CFAP46: variants seen among roughly 807,000 people sequenced by gnomAD.
The protein encoded by CFAP46 is cilia and flagella associated protein 46.
Under a neutral mutation model 325.7 loss-of-function variants are expected in CFAP46, and 245 were observed. The ratio of observed to expected loss-of-function variants is 0.75; its 90% CI spans 0.68 to 0.84. The LOEUF is 0.84. CFAP46 is among the 40% of genes least tolerant of loss of function. The pLI, the probability that CFAP46 is intolerant of heterozygous loss-of-function variation, is 0.00. For missense variants in CFAP46, 3,346 were observed against 3,543.0 expected (o/e 0.94, Z 1.41); for synonymous variants, 1,523 against 1,495.9 (o/e 1.02, Z -0.42).
At chr10:132,809,409 C>T (rs1000999688) in intron 57 of CFAP46, among the ~76,000 whole-genome samples, 3 of 152,244 alleles carry the variant, frequency 2.0e-5, no homozygotes, top group South Asian at 2.1e-4. Flanking sequence ...CGGCGGCATC[C>T]GTGTCTGTGC....
At chr10:132,831,220 C>CTGTGTGTGTGTGTGTGTGTGTGTGTG (rs56965336) in intron 50 of CFAP46, among the ~76,000 whole-genome samples, 25 of 148,198 alleles carry the variant, frequency 1.7e-4, no homozygotes, top group Middle Eastern at 3.4e-3. Flanking sequence ...GTCAAATGTT[C>CTGTGTGTGTGTGTGTGTGTGTGTGTG]TGTGTGTGTG....
chr10:132,849,933 T>G (rs12762131), intron 41 of CFAP46, among the ~76,000 whole-genome samples: 48,355 of 151,884 alleles, frequency 0.32, 9,633 homozygotes, highest in Admixed American at 0.49. Flanking sequence ...TGCTCCACGC[T>G]CGCCAGCACA....
At chr10:132,825,296 G>GTGTGTACTGA (rs1237504854) in intron 50 of CFAP46, among the ~76,000 whole-genome samples, 2 of 138,226 alleles carry the variant, frequency 1.4e-5, no homozygotes, top group Non-Finnish European at 3.4e-5. Flanking sequence ...GATGTGTGCT[G>GTGTGTACTGA]TGTGTACTGA....
chr10:132,860,570 G>A, intron 36 of CFAP46, 47 bp from the exon 37 acceptor site: 1 of 1,411,226 alleles, frequency 7.1e-7, no homozygotes, highest in Non-Finnish European at 9.8e-7. Context: ...GGACAGGCAG[G>A]CATGGATACA....
At chr10:132,904,552 T>C (rs962085302) in intron 22 of CFAP46, among the ~76,000 whole-genome samples, 1 of 152,282 alleles carries the variant, frequency 6.6e-6, no homozygotes, top group Non-Finnish European at 1.5e-5. Context: ...CTTTAGCTAA[T>C]TTAACAGAAA....
intron 10 of CFAP46, 65 bp from the exon 11 acceptor site, chr10:132,924,951 C>G: frequency 7.6e-7 from 1 of 1,320,920 alleles, no homozygotes. Flanking sequence ...TGGGGCGGCA[C>G]CTGCGTGCAG....
chr10:132,828,539 TTTC>T lies in CFAP46; in HGVS notation c.7117+4816_7117+4818del. 6.6e-6 allele frequency among the ~76,000 whole-genome samples: 1 copy of T among 152,342 alleles called. No individual in the cohort carries two copies. Among genetic ancestry groups the T allele is most frequent in the South Asian group, 2.1e-4 (1 of 4,830 alleles). ...TTCAAATCTTTTTTAGGGTTGTTTCTTTCTTATTATTCAGTTTTGAGAGTTCTT... is the reference window on the plus strand; with the variant it reads ...TTCAAATCTTTTTTAGGGTTGTTTCTTTATTATTCAGTTTTGAGAGTTCTT... On this transcript the variant is annotated intron_variant, in intron 50 of 57. Coordinates refer to ENST00000368586, the MANE Select transcript of CFAP46 (RefSeq NM_001200049.3). The surrounding 1 kb of genome is among the most constrained non-coding windows in gnomAD (Gnocchi z 4.9).
chr10:132,899,443 GC>G, intron 23 of CFAP46, 91 bp downstream of exon 23: 1 of 1,438,258 alleles, frequency 7.0e-7, no homozygotes, highest in South Asian at 1.5e-5. Context: ...CCTCCCTTGG[GC>G]CCACAGGATG....
At chr10:132,816,553 G>T (rs572061557) in intron 50 of CFAP46, among the ~76,000 whole-genome samples, 1 of 151,974 alleles carries the variant, frequency 6.6e-6, no homozygotes, top group Admixed American at 6.6e-5. Flanking sequence ...GGATGGTCTC[G>T]ATCTCCTGAC....
intron 35 of CFAP46, among the ~76,000 whole-genome samples, chr10:132,865,697 T>G (rs1308154830): frequency 6.6e-6 from 1 of 152,206 alleles, no homozygotes; most frequent in Non-Finnish European, 1.5e-5. Flanking sequence ...GTTCTCCAAG[T>G]TCTCGTCCAG....
At position 132,937,624 on chromosome 10, in the gene CFAP46, C is replaced by A; in HGVS notation, c.588G>T (p.Arg196Ser). Residue 196 changes from arginine (R) to serine (S), a missense_variant, in exon 6 of 58, where the codon AGG (arginine) becomes AGT (serine). Coordinates refer to ENST00000368586, the MANE Select transcript of CFAP46 (RefSeq NM_001200049.3). ...TGAACGGAGCTGCCGTGGAGCAGAA[C>A]CTGGCAGCCTCCTCCTTTCTTCCGG... ...LQAGRKEEAA[R>S]FCSTAAPFIK... 3 of 1,613,180 alleles carry A rather than the reference C, an allele frequency of 1.9e-6. No homozygotes were observed. Among genetic ancestry groups the A allele is most frequent in the Middle Eastern group, 1.7e-4 (1 of 6,058 alleles).
intron 27 of CFAP46, among the ~76,000 whole-genome samples, chr10:132,883,891 T>C (rs1417190598): frequency 6.6e-6 from 1 of 152,130 alleles, no homozygotes; most frequent in African/African-American, 2.4e-5. Flanking sequence ...GAGAGAAGGA[T>C]GGGGAGTGAG....
intron 9 of CFAP46, among the ~76,000 whole-genome samples, chr10:132,927,002 G>A (rs1350308316): frequency 6.6e-6 from 1 of 152,186 alleles, no homozygotes; most frequent in African/African-American, 2.4e-5. Context: ...GCTGAAGTCT[G>A]GGAAGCAATG....
At position 132,939,351 on chromosome 10, in the gene CFAP46, G is replaced by GTT. The variant is rs1431204489; in HGVS notation, c.372-599_372-598insAA. 6.6e-6 allele frequency among the ~76,000 whole-genome samples: 1 copy of GTT among 152,152 alleles called. No homozygotes were observed. The highest frequency in any genetic ancestry group is 1.5e-5 in the Non-Finnish European group (1 of 68,000). ...AGGGTGGGCTGGAAGAGTGAGCAGA[G>GTT]ACCCCTCTCAGGGGTCTGGGCCTCT... On this transcript the variant is annotated intron_variant, in intron 4 of 57. Coordinates refer to ENST00000368586, the MANE Select transcript of CFAP46 (RefSeq NM_001200049.3). The surrounding 1 kb of genome is among the most constrained non-coding windows in gnomAD (Gnocchi z 4.6).
intron 11 of CFAP46, among the ~76,000 whole-genome samples, chr10:132,923,101 C>T (rs1301354458): frequency 2.0e-5 from 3 of 152,342 alleles, no homozygotes; most frequent in Admixed American, 6.5e-5. Flanking sequence ...AGAGGAAGGG[C>T]CGTGCGGAGC....
At chr10:132,821,172 CTGA>C (rs543160843) in intron 50 of CFAP46, among the ~76,000 whole-genome samples, 4 of 113,516 alleles carry the variant, frequency 3.5e-5, no homozygotes, top group Admixed American at 1.1e-4. Context: ...TGTCTGTGCG[CTGA>C]TGTGTGCTGT....
chr10:132,912,462 C>CCT (rs560650825), intron 19 of CFAP46, among the ~76,000 whole-genome samples, 193 bp downstream of exon 19: 28 of 130,026 alleles, frequency 2.2e-4, no homozygotes, highest in Middle Eastern at 4.9e-3. Context: ...TCTCTCTTCA[C>CCT]CTCTCTCTCT....
chr10:132,936,396 C>T lies in CFAP46; in HGVS notation c.755+565G>A, dbSNP rs7090896. On this transcript the variant is annotated intron_variant, in intron 7 of 57. Coordinates refer to ENST00000368586, the MANE Select transcript of CFAP46 (RefSeq NM_001200049.3). ...CCAAACACACTGTGATCTCCTCACT[C>T]CCCTCACATCCAAACACACTGTGAT... Among the ~76,000 whole-genome samples the T allele has an allele frequency of 1.3e-3, 127 of 101,546 alleles. 1 individual carries two copies. The highest frequency in any genetic ancestry group is 4.6e-3 in the African/African-American group (115 of 24,734). The allele number at this position is 101,546 out of a possible 152,430, so 66.6% of individuals were successfully genotyped here.
At chr10:132,858,715 C>T (rs931728117) in intron 38 of CFAP46, among the ~76,000 whole-genome samples, 8 of 151,704 alleles carry the variant, frequency 5.3e-5, no homozygotes, top group South Asian at 2.1e-4. Context: ...GTGTGCAATG[C>T]GCGTGTGCCT....
Sources: gnomAD v4.1 joint callset for allele counts (sites outside exome capture counted in the v4.1 genomes callset) on GRCh38, gnomAD v4.1.1 for gene constraint, Gnocchi (gnomAD v3.1) non-coding constraint, MANE v1.5 for transcripts, NCBI Gene and HGNC (gene_info 2026-07-23, HGNC 2026-07-21) for gene names.